CNTNAP2: variants seen among roughly 807,000 people sequenced by gnomAD.
CNTNAP2 encodes the protein contactin associated protein 2.
Under a neutral mutation model 155.2 loss-of-function variants are expected in CNTNAP2, and 98 were observed. The ratio of observed to expected loss-of-function variants is 0.63; its 90% CI spans 0.54 to 0.75. The LOEUF is 0.75. Ranked by LOEUF, CNTNAP2 falls within the 30% of genes least tolerant of loss-of-function variation. The pLI is 0.00. For missense variants in CNTNAP2, 1,727 were observed against 1,688.1 expected, an observed-to-expected ratio of 1.02 and a Z score of -0.40; for synonymous variants, 651 against 631.2, an observed-to-expected ratio of 1.03 and a Z score of -0.47.
intron 1 of CNTNAP2, among the ~76,000 whole-genome samples, chr7:146,510,987 C>G (rs1797457196): frequency 6.6e-6 from 1 of 152,136 alleles, no homozygotes; most frequent in Admixed American, 6.5e-5. Context: ...AGCTCCACCT[C>G]CCGGGTTCAC....
intron 20 of CNTNAP2, among the ~76,000 whole-genome samples, chr7:148,245,745 T>C (rs1442031569): frequency 6.6e-6 from 1 of 152,128 alleles, no homozygotes. Flanking sequence ...GTACTGAGAA[T>C]TCAGCTCAGC....
At chr7:147,943,382 T>C (rs1213631211) in intron 14 of CNTNAP2, among the ~76,000 whole-genome samples, 1 of 152,208 alleles carries the variant, frequency 6.6e-6, no homozygotes, top group Non-Finnish European at 1.5e-5. Context: ...CAACAATTTT[T>C]TTCACTTAAT....
At chr7:147,258,023 G>T (rs370384648) in intron 8 of CNTNAP2, among the ~76,000 whole-genome samples, 1 of 152,104 alleles carries the variant, frequency 6.6e-6, no homozygotes, top group African/African-American at 2.4e-5. Context: ...GACATACAAG[G>T]ATGATGATGG....
intron 13 of CNTNAP2, among the ~76,000 whole-genome samples, chr7:147,734,376 A>G (rs1394173484): frequency 6.6e-6 from 1 of 152,178 alleles, no homozygotes; most frequent in Non-Finnish European, 1.5e-5. Context: ...CCACTTGATC[A>G]TGGTGGATAA....
At position 146,182,991 on chromosome 7, in the gene CNTNAP2, C is replaced by G. The variant is rs1341407090; in HGVS notation, c.97+66018C>G. Among the ~76,000 whole-genome samples, 6 of 152,134 alleles carry G rather than the reference C, an allele frequency of 3.9e-5. No homozygotes were observed. The East Asian group carries it at 1.2e-3, about 29-fold the overall frequency. On this transcript the variant is annotated intron_variant, in intron 1 of 23. Coordinates refer to ENST00000361727, the MANE Select transcript of CNTNAP2 (RefSeq NM_014141.6). ...GTATTTCTTGTTCCTTTATTTTATA[C>G]ATTACCATTTAATTCTATTAAAAAT...
intron 10 of CNTNAP2, among the ~76,000 whole-genome samples, chr7:147,444,513 TAATTA>T (rs953353760): frequency 2.7e-5 from 4 of 148,112 alleles, no homozygotes; most frequent in Non-Finnish European, 5.9e-5. Context: ...TCTTTTAGTC[TAATTA>T]AATTTTCTTT....
At chr7:146,749,443 T>A (rs1162710909) in intron 1 of CNTNAP2, among the ~76,000 whole-genome samples, 2 of 152,180 alleles carry the variant, frequency 1.3e-5, no homozygotes, top group Non-Finnish European at 2.9e-5. Flanking sequence ...TACTAGATTA[T>A]CTTATGATAA....
intron 21 of CNTNAP2, among the ~76,000 whole-genome samples, chr7:148,356,762 C>T (rs2116608635): frequency 6.6e-6 from 1 of 152,148 alleles, no homozygotes; most frequent in African/African-American, 2.4e-5. Context: ...CTGCCATCAC[C>T]TCAGTCAGAC....
At chr7:148,133,071 A>G (rs1462029592) in intron 16 of CNTNAP2, among the ~76,000 whole-genome samples, 1 of 152,210 alleles carries the variant, frequency 6.6e-6, no homozygotes, top group Non-Finnish European at 1.5e-5. Flanking sequence ...TGATAAGGTC[A>G]TAAGAGAGTT....
At chr7:146,855,253 TA>T (rs1794952170) in intron 3 of CNTNAP2, among the ~76,000 whole-genome samples, 1 of 152,082 alleles carries the variant, frequency 6.6e-6, no homozygotes, top group Non-Finnish European at 1.5e-5. Flanking sequence ...AATAGAACAA[TA>T]GCTATAGAGG....
intron 1 of CNTNAP2, among the ~76,000 whole-genome samples, chr7:146,602,501 A>G (rs1798966158): frequency 1.3e-5 from 2 of 152,320 alleles, no homozygotes; most frequent in Admixed American, 6.5e-5. Flanking sequence ...TTCCATTTCC[A>G]CAAAGAATGT....
chr7:147,200,403 C>T (rs1422603789), intron 8 of CNTNAP2, among the ~76,000 whole-genome samples: 12 of 152,136 alleles, frequency 7.9e-5, no homozygotes, highest in Admixed American at 7.9e-4. Context: ...AGAATATCAA[C>T]ATTTTCATGG....
At chr7:146,767,961 A>G (rs1486189372) in intron 1 of CNTNAP2, among the ~76,000 whole-genome samples, 2 of 152,128 alleles carry the variant, frequency 1.3e-5, no homozygotes, top group East Asian at 3.9e-4. Flanking sequence ...GCCTTTCACC[A>G]AAAAGTATTA....
chr7:146,685,360 C>A (rs1563187968), intron 1 of CNTNAP2, among the ~76,000 whole-genome samples: 1 of 152,110 alleles, frequency 6.6e-6, no homozygotes, highest in East Asian at 1.9e-4. Flanking sequence ...GACACACAAA[C>A]AACATGCATC....
intron 1 of CNTNAP2, among the ~76,000 whole-genome samples, chr7:146,424,057 A>C (rs1009627550): frequency 1.3e-5 from 2 of 152,144 alleles, no homozygotes; most frequent in African/African-American, 4.8e-5. Flanking sequence ...TTTTCATAAT[A>C]TCCTCAAGGA....
intron 2 of CNTNAP2, among the ~76,000 whole-genome samples, chr7:146,804,853 A>G (rs1450880633): frequency 6.6e-6 from 1 of 152,244 alleles, no homozygotes; most frequent in Non-Finnish European, 1.5e-5. Context: ...CTCAATCATC[A>G]TAATCCACTT....
chr7:146,612,084 T>C (rs1213022662), intron 1 of CNTNAP2, among the ~76,000 whole-genome samples: 2 of 152,302 alleles, frequency 1.3e-5, no homozygotes, highest in East Asian at 1.9e-4. Flanking sequence ...TTTATTTAAA[T>C]TGACAACAAT....
chr7:146,308,798 C>T (rs998908195), intron 1 of CNTNAP2, among the ~76,000 whole-genome samples: 6 of 151,500 alleles, frequency 4.0e-5, no homozygotes, highest in South Asian at 2.1e-4. Flanking sequence ...GGACACACGG[C>T]GGGGAACATC....
intron 21 of CNTNAP2, among the ~76,000 whole-genome samples, chr7:148,355,165 G>GTTTTTTTT (rs1563055120): frequency 1.4e-4 from 4 of 27,802 alleles, no homozygotes; most frequent in African/African-American, 3.3e-4. Context: ...GCCGCCAGCT[G>GTTTTTTTT]CTTTTTTTTT....
Sources: allele counts gnomAD v4.1 joint callset (sites outside exome capture counted in the v4.1 genomes callset), GRCh38; gene constraint gnomAD v4.1.1; transcripts MANE v1.5; gene names NCBI Gene and HGNC (gene_info 2026-07-23, HGNC 2026-07-21).